Variants in GLRB observed in about 807,000 individuals in gnomAD.
GLRB encodes glycine receptor subunit beta.
Under a neutral mutation model 54.2 loss-of-function variants are expected in GLRB, and 33 were observed. That is an observed-to-expected ratio of 0.61 (90% confidence interval 0.46 to 0.81). The LOEUF (loss-of-function observed/expected upper bound fraction) is 0.81. Among genes scored for constraint, GLRB ranks in the 40% least tolerant of loss-of-function variants. GLRB has a pLI of 0.00. For missense variants in GLRB, 572 were observed against 584.6 expected (o/e 0.98, Z 0.22); for synonymous variants, 209 against 208.2 (o/e 1.00, Z -0.03).
chr4:157,078,015 A>G lies in GLRB; in HGVS notation c.-10A>G, dbSNP rs781631616. 3.3e-5 allele frequency: 53 copies of G among 1,605,684 alleles called. No individual in the cohort carries two copies. The highest frequency in any genetic ancestry group is 4.0e-5 in the Non-Finnish European group (47 of 1,173,390). On this transcript the variant is annotated 5_prime_UTR_variant, in exon 2 of 10. Transcript: ENST00000264428. Reference sequence around the variant, plus strand: ...TTGTAGATCGATCTTCTGAAATTCAAGTTTTCAAGATGAAGTTTTTATTGA... The same window carrying G: ...TTGTAGATCGATCTTCTGAAATTCAGGTTTTCAAGATGAAGTTTTTATTGA...
chr4:157,099,051 T>G (rs1016130287), intron 2 of GLRB, among the ~76,000 whole-genome samples: 6 of 152,162 alleles, frequency 3.9e-5, no homozygotes, highest in African/African-American at 1.4e-4. Context: ...TAGTTCAGAT[T>G]GATCAGTGAG....
In GLRB at chr4:157,171,341, A is replaced by G. The variant is rs575835548; in HGVS notation, c.*613A>G. ...TCAAAAATATCAGATAGTAATACAC[A>G]GTGAGCATTTTTAAACAAAGGGAAA... On this transcript the variant is annotated 3_prime_UTR_variant, in exon 10 of 10. Coordinates refer to ENST00000264428, the MANE Select transcript of GLRB (RefSeq NM_000824.5). 6.6e-6 allele frequency: 1 copy of G among 152,528 alleles called. No individual in the cohort carries two copies. Among genetic ancestry groups the G allele is most frequent in the East Asian group, 1.9e-4 (1 of 5,182 alleles). 9.4% of individuals were successfully genotyped at this position (152,528 alleles called of 1,614,324 possible).
At position 157,138,951 on chromosome 4, in the gene GLRB, TA is replaced by T; in HGVS notation, c.751+4del. On this transcript the variant is annotated splice_donor_region_variant and intron_variant, in intron 7 of 9. Coordinates refer to ENST00000264428, the MANE Select transcript of GLRB (RefSeq NM_000824.5). ...GTACAAAATACTATAAAGGCACGGGTAAGTAATATTCTTTAAATAAAACGAA... is the reference window on the plus strand; with the variant it reads ...GTACAAAATACTATAAAGGCACGGGTAGTAATATTCTTTAAATAAAACGAA... 1 of 1,343,522 alleles carries T rather than the reference TA, an allele frequency of 7.4e-7. No homozygotes were observed. Among genetic ancestry groups the T allele is most frequent in the Non-Finnish European group, 1.1e-6 (1 of 935,588 alleles). 83.2% of individuals were successfully genotyped at this position (1,343,522 alleles called of 1,614,324 possible).
chr4:157,170,037 T>C (rs980947828), intron 9 of GLRB, among the ~76,000 whole-genome samples: 2 of 152,154 alleles, frequency 1.3e-5, no homozygotes, highest in Non-Finnish European at 2.9e-5. Flanking sequence ...GCTAGTAATA[T>C]CAGAACATTT....
chr4:157,143,708 C>T (rs975359431), intron 7 of GLRB, 99 bp from the exon 8 acceptor site: 37 of 1,196,406 alleles, frequency 3.1e-5, no homozygotes, highest in Non-Finnish European at 6.1e-6. Flanking sequence ...GTGAAATTGC[C>T]TCAGATGGAA....
chr4:157,120,847 A>C (rs897145775), intron 3 of GLRB, among the ~76,000 whole-genome samples, 185 bp downstream of exon 3: 6 of 151,750 alleles, frequency 4.0e-5, no homozygotes, highest in African/African-American at 7.2e-5. Context: ...TCAGATGAGT[A>C]AAATATGAAT....
At chr4:157,129,612 A>T (rs746864450) in intron 4 of GLRB, among the ~76,000 whole-genome samples, 1 of 151,834 alleles carries the variant, frequency 6.6e-6, no homozygotes, top group Non-Finnish European at 1.5e-5. Context: ...CACTTTCATA[A>T]TGAAATAAGA....
intron 9 of GLRB, among the ~76,000 whole-genome samples, chr4:157,156,263 G>T (rs141586330): frequency 2.0e-5 from 3 of 152,092 alleles, no homozygotes; most frequent in Admixed American, 6.5e-5. Flanking sequence ...TTTGTTTAAG[G>T]TTATTCTAAT....
intron 1 of GLRB, among the ~76,000 whole-genome samples, chr4:157,077,490 T>C (rs918531080): frequency 5.9e-5 from 9 of 152,092 alleles, no homozygotes; most frequent in Non-Finnish European, 8.8e-5. Flanking sequence ...TCTTTTTTAA[T>C]ACTTAGAATT....
chr4:157,148,428 T>C (rs192599649), intron 8 of GLRB, among the ~76,000 whole-genome samples: 2 of 152,320 alleles, frequency 1.3e-5, no homozygotes, highest in African/African-American at 2.4e-5. Flanking sequence ...TAATTTGATC[T>C]CTTTGTAATT....
chr4:157,167,465 CTGTG>C (rs1189805482), intron 9 of GLRB, among the ~76,000 whole-genome samples: 1 of 152,062 alleles, frequency 6.6e-6, no homozygotes, highest in Non-Finnish European at 1.5e-5. Flanking sequence ...GTGTGCAAGT[CTGTG>C]TGTGTGTGCA....
chr4:157,122,205 A>T (rs949234283), intron 3 of GLRB, 125 bp from the exon 4 acceptor site: 2 of 487,904 alleles, frequency 4.1e-6, no homozygotes, highest in African/African-American at 2.0e-5. Flanking sequence ...CTGAGACCAT[A>T]GATTTTTTGC....
intron 2 of GLRB, among the ~76,000 whole-genome samples, chr4:157,113,437 G>A (rs1424279110): frequency 6.6e-6 from 1 of 151,846 alleles, no homozygotes; most frequent in Non-Finnish European, 1.5e-5. Flanking sequence ...TTTTACAGTT[G>A]AGCAATATAC....
At chr4:157,099,518 G>A (rs1348914139) in intron 2 of GLRB, among the ~76,000 whole-genome samples, 5 of 151,700 alleles carry the variant, frequency 3.3e-5, no homozygotes, top group African/African-American at 1.2e-4. Context: ...TGTATTTTCA[G>A]TAGAGACGGG....
At chr4:157,120,465 CA>C (rs1735771999) in intron 2 of GLRB, 90 bp from the exon 3 acceptor site, 11 of 589,192 alleles carry the variant, frequency 1.9e-5, no homozygotes, top group Non-Finnish European at 2.9e-5. Context: ...GGATTTGTCT[CA>C]AAAAGGCAGT....
intron 4 of GLRB, among the ~76,000 whole-genome samples, chr4:157,125,575 G>A (rs1464541188): frequency 6.6e-6 from 1 of 151,748 alleles, no homozygotes; most frequent in Admixed American, 6.6e-5. Flanking sequence ...CAGTCCTACT[G>A]TATATGTGTG....
chr4:157,098,726 C>T (rs528694445), intron 2 of GLRB, among the ~76,000 whole-genome samples: 48 of 152,172 alleles, frequency 3.2e-4, no homozygotes, highest in African/African-American at 1.1e-3. Flanking sequence ...CTGCCTCAGC[C>T]TCCCAAGCAG....
chr4:157,169,194 A>C (rs1262649458), intron 9 of GLRB, among the ~76,000 whole-genome samples: 1 of 152,120 alleles, frequency 6.6e-6, no homozygotes, highest in Non-Finnish European at 1.5e-5. Context: ...ACTGTGATAT[A>C]CTAATAATAT....
chr4:157,136,790 A>AT lies in GLRB; in HGVS notation c.528-11dup, dbSNP rs1365050773. 1.3e-6 allele frequency: 2 copies of AT among 1,583,684 alleles called. No individual in the cohort carries two copies. Among genetic ancestry groups the AT allele is most frequent in the Non-Finnish European group, 1.7e-6 (2 of 1,152,446 alleles). On this transcript the variant is annotated splice_polypyrimidine_tract_variant and intron_variant, in intron 5 of 9. Coordinates refer to ENST00000264428, the MANE Select transcript of GLRB (RefSeq NM_000824.5). ...GTATATTAAATTATTTCTAAGACCC[A>AT]TTTCTGCTTCCAGGTTATCTATTAC...
Sources: gnomAD v4.1 joint callset for allele counts (sites outside exome capture counted in the v4.1 genomes callset) on GRCh38, gnomAD v4.1.1 for gene constraint, MANE v1.5 for transcripts, NCBI Gene and HGNC (gene_info 2026-07-23, HGNC 2026-07-21) for gene names.